Variants in OR2C1 observed in about 807,000 individuals in gnomAD.
OR2C1 encodes the protein olfactory receptor family 2 subfamily C member 1, also known as olfactory receptor 2C1.
For synonymous variants in OR2C1, 209 were observed against 167.3 expected (o/e 1.25, Z -1.92); for missense variants, 468 against 388.3 (o/e 1.21, Z -1.73).
At chr16:3,330,061 TAAC>T in the OR2C1 span, among the ~76,000 whole-genome samples, 1 of 151,742 alleles carries the variant, frequency 6.6e-6, no homozygotes, top group African/African-American at 2.4e-5. Flanking sequence ...CCTTAAAATT[TAAC>T]AACATCAAAG....
At chr16:3,323,462 T>C in the OR2C1 span, 1 of 737,852 alleles carries the variant, frequency 1.4e-6, no homozygotes, top group Non-Finnish European at 2.5e-6. Flanking sequence ...GGCTTGTCCA[T>C]GTTTCAGAAT....
the OR2C1 span, chr16:3,323,138 A>T: frequency 1.8e-6 from 1 of 556,950 alleles, no homozygotes; most frequent in Non-Finnish European, 3.1e-6. Flanking sequence ...ACAAAAACAC[A>T]TGCTTCCACT....
At chr16:3,323,550 G>T in the OR2C1 span, 1 of 752,428 alleles carries the variant, frequency 1.3e-6, no homozygotes, top group Non-Finnish European at 2.4e-6. Flanking sequence ...TTTAGGTTCT[G>T]GGGGGTGACT....
At chr16:3,347,984 T>A in the OR2C1 span, among the ~76,000 whole-genome samples, 1 of 152,196 alleles carries the variant, frequency 6.6e-6, no homozygotes, top group Non-Finnish European at 1.5e-5. Flanking sequence ...TTATGATAGA[T>A]GCATATTTAG....
At chr16:3,338,266 AT>A in the OR2C1 span, among the ~76,000 whole-genome samples, 1 of 152,248 alleles carries the variant, frequency 6.6e-6, no homozygotes, top group Admixed American at 6.5e-5. Flanking sequence ...TGACTCTGAC[AT>A]TTCTCAGGGA....
the OR2C1 span, among the ~76,000 whole-genome samples, chr16:3,339,429 C>T: frequency 6.6e-6 from 1 of 151,964 alleles, no homozygotes; most frequent in Non-Finnish European, 1.5e-5. Flanking sequence ...TGAGAAACTG[C>T]CAAACTGTTT....
chr16:3,328,971 G>T, the OR2C1 span, among the ~76,000 whole-genome samples: 3 of 136,116 alleles, frequency 2.2e-5, no homozygotes, highest in African/African-American at 8.3e-5. Context: ...AAATAAAACA[G>T]TTGGGTGGAC....
At chr16:3,337,257 C>T in the OR2C1 span, among the ~76,000 whole-genome samples, 1 of 151,898 alleles carries the variant, frequency 6.6e-6, no homozygotes, top group Non-Finnish European at 1.5e-5. Flanking sequence ...TGGGTTCAAG[C>T]AATTCTTATG....
chr16:3,349,604 C>A, the OR2C1 span, among the ~76,000 whole-genome samples: 1 of 152,044 alleles, frequency 6.6e-6, no homozygotes, highest in Non-Finnish European at 1.5e-5. Context: ...TTTCCATAAA[C>A]AATCCCTAGA....
the OR2C1 span, among the ~76,000 whole-genome samples, chr16:3,343,236 G>C: frequency 6.6e-6 from 1 of 152,036 alleles, no homozygotes; most frequent in African/African-American, 2.4e-5. Context: ...ACACAAATCA[G>C]CACAAGTACA....
At chr16:3,350,871 G>A in the OR2C1 span, among the ~76,000 whole-genome samples, 2 of 150,766 alleles carry the variant, frequency 1.3e-5, no homozygotes, top group African/African-American at 4.9e-5. Context: ...AGCAGAAAAG[G>A]ATCATAAAAG....
At chr16:3,325,066 C>G in the OR2C1 span, among the ~76,000 whole-genome samples, 2 of 152,208 alleles carry the variant, frequency 1.3e-5, no homozygotes, top group African/African-American at 4.8e-5. Flanking sequence ...CCTGCAACCT[C>G]TGCCTCCCAG....
At chr16:3,339,369 T>C in the OR2C1 span, among the ~76,000 whole-genome samples, 1 of 152,220 alleles carries the variant, frequency 6.6e-6, no homozygotes, top group East Asian at 1.9e-4. Context: ...CTTTTGGGTA[T>C]ATAACTTGGA....
chr16:3,339,464 T>G, the OR2C1 span, among the ~76,000 whole-genome samples: 6 of 152,116 alleles, frequency 3.9e-5, no homozygotes, highest in Non-Finnish European at 8.8e-5. Context: ...ACCATTTTAC[T>G]TTTTGTTTTT....
Position 3,356,133 on chromosome 16 carries a change from A to T in OR2C1, c.193A>T (p.Asn65Tyr). 6.2e-7 allele frequency: 1 copy of T among 1,614,116 alleles called. No homozygotes were observed. ...LHTPMYFFLS[N>Y]LSSLDLAFAT... is the part of the protein sequence containing the mutation. ...TACACCCATGTACTTCTTCCTCAGC[A>T]ACCTCTCCTCCTTGGACCTTGCTTT... is the stretch of plus-strand genomic sequence containing the variant. Residue 65 changes from asparagine (N) to tyrosine (Y), a missense_variant, in exon 1 of 1, where the codon AAC becomes TAC. Transcript: ENST00000304936.
Position 3,356,086 on chromosome 16 carries a change from C to A in OR2C1, c.146C>A (p.Ser49Tyr), listed in dbSNP as rs367639047. Residue 49 changes from serine (S) to tyrosine (Y), a missense_variant, in exon 1 of 1, where the codon TCC becomes TAC. Coordinates refer to ENST00000304936, the MANE Select transcript of OR2C1 (RefSeq NM_012368.3). ...GGGAACTCAACCATCATCTTGCTTT[C>A]CCGCCTGGAGGCCCGGCTCCATACA... ...LLGNSTIILLSRLEARLHTPM... is the reference protein window; with the variant it reads ...LLGNSTIILLYRLEARLHTPM... The A allele has an allele frequency of 6.2e-6, 10 of 1,614,194 alleles. No individual in the cohort carries two copies. Among genetic ancestry groups the A allele is most frequent in the Non-Finnish European group, 8.5e-6 (10 of 1,180,046 alleles).
At chr16:3,351,220 C>CTTTTTTTTTTTTTTT (rs779814781), upstream of OR2C1, among the ~76,000 whole-genome samples, 11 of 18,652 alleles carry the variant, frequency 5.9e-4, no homozygotes, top group African/African-American at 2.3e-3. Context: ...TTTTCTTTTT[C>CTTTTTTTTTTTTTTT]TTTTTCTTTT....
chr16:3,357,411 T>C (rs1298195164), downstream of OR2C1: 3 of 155,536 alleles, frequency 1.9e-5, no homozygotes, highest in Admixed American at 1.2e-4. Flanking sequence ...TCTTGCTCTG[T>C]TGCCCAGGCT....
the OR2C1 span, among the ~76,000 whole-genome samples, chr16:3,334,398 A>T: frequency 6.6e-6 from 1 of 151,342 alleles, no homozygotes; most frequent in African/African-American, 2.4e-5. Flanking sequence ...GGCTTCCCAA[A>T]GTGCTGGGAT....
Sources: gnomAD v4.1 joint callset for allele counts (sites outside exome capture counted in the v4.1 genomes callset) on GRCh38, gnomAD v4.1.1 for gene constraint, MANE v1.5 for transcripts, NCBI Gene and HGNC (gene_info 2026-07-23, HGNC 2026-07-21) for gene names.